The following PLEKHG3 variants were observed in gnomAD, a reference collection of about 807,000 sequenced individuals.
PLEKHG3 encodes pleckstrin homology domain-containing family G member 3.
In PLEKHG3, 62 loss-of-function variants were observed where a neutral mutation model predicts 94.9. The observed-to-expected ratio is 0.65, with a 90% CI of 0.53 to 0.81. The LOEUF (loss-of-function observed/expected upper bound fraction) is 0.81, where lower values mean the gene tolerates loss of function less well. Ranked by LOEUF, PLEKHG3 falls within the 30% of genes least tolerant of loss-of-function variation. The probability of loss-of-function intolerance (pLI) is 0.00; values close to 1 mark genes in which losing one functional copy is unlikely to be tolerated. For missense variants in PLEKHG3, 1,461 were observed against 1,619.3 expected (o/e 0.90, Z 1.68); for synonymous variants, 614 against 654.0 (o/e 0.94, Z 0.93).
In PLEKHG3 at chr14:64,747,133, C is replaced by G. The variant is rs1444328059; in HGVS notation, c.*3430C>G. On this transcript the variant is annotated 3_prime_UTR_variant, in exon 17 of 17. Coordinates refer to ENST00000247226, the MANE Select transcript of PLEKHG3 (RefSeq NM_001308147.2). ...GCTAGCTCTTCCACTAGAGCCCTTC[C>G]TTTCTCGGGTCTGTGGAGTTGCTTG... The G allele has an allele frequency of 6.6e-6, 1 of 152,532 alleles. No homozygotes were observed. Among genetic ancestry groups the G allele is most frequent in the Non-Finnish European group, 1.5e-5 (1 of 68,066 alleles). The allele number at this position is 152,532 out of a possible 1,614,324, so 9.4% of individuals were successfully genotyped here.
Position 64,743,219 on chromosome 14 carries a change from C to T in PLEKHG3, c.3176C>T (p.Ser1059Phe). 1.2e-6 allele frequency: 2 copies of T among 1,609,278 alleles called. No homozygotes were observed. Among genetic ancestry groups the T allele is most frequent in the Non-Finnish European group, 1.7e-6 (2 of 1,179,630 alleles). The change falls in exon 17 of 17, where the codon TCC becomes TTC. Residue 1059 changes from serine (S) to phenylalanine (F), a missense_variant. Physicochemically the swap from Ser to Phe is radical, Grantham distance 155. Coordinates refer to ENST00000247226, the MANE Select transcript of PLEKHG3 (RefSeq NM_001308147.2). This position sits in a 1 kb window ranked among gnomAD's most constrained non-coding sequence, Gnocchi z 7.2. The part of the protein sequence containing the change: ...DVRELCSKYA[S>F]RDEARRAGGG... ...CGTGAGCTCTGCTCCAAGTATGCCT[C>T]CCGCGATGAGGCACGCCGAGCAGGG...
At chr14:64,733,008 C>A in intron 12 of PLEKHG3, 107 bp downstream of exon 12, 2 of 711,252 alleles carry the variant, frequency 2.8e-6, no homozygotes, top group Non-Finnish European at 2.4e-6. Context: ...TCTGCGGAAA[C>A]CCTGGGAAAG....
chr14:64,727,627 C>T lies in PLEKHG3; in HGVS notation c.-5C>T, dbSNP rs1355813902. 2.5e-6 allele frequency: 4 copies of T among 1,593,874 alleles called. No individual in the cohort carries two copies. In the African/African-American group the frequency reaches 4.0e-5, roughly 16 times the overall value. On this transcript the variant is annotated 5_prime_UTR_variant, in exon 2 of 17. Coordinates refer to ENST00000247226, the MANE Select transcript of PLEKHG3 (RefSeq NM_001308147.2). The surrounding 1 kb of genome is among the most constrained non-coding windows in gnomAD (Gnocchi z 6.0). ...GGGGTGCCCTCCCCAGGCAGCAATG[C>T]CAGGATGCCTGTGTCCACCTCCCTC...
In PLEKHG3 at chr14:64,723,997, CCTA is replaced by C. The variant is rs2081309205; in HGVS notation, c.-39-3593_-39-3591del. 1.3e-5 allele frequency: 2 copies of C among 152,274 alleles called. No homozygotes were observed. Among genetic ancestry groups the C allele is most frequent in the African/African-American group, 4.8e-5 (2 of 41,420 alleles). The allele number at this position is 152,274 out of a possible 1,614,324, so 9.4% of individuals were successfully genotyped here. On this transcript the variant is annotated intron_variant, in intron 1 of 16. Coordinates refer to ENST00000247226, the MANE Select transcript of PLEKHG3 (RefSeq NM_001308147.2). This position sits in a 1 kb window ranked among gnomAD's most constrained non-coding sequence, Gnocchi z 4.5. ...GCCTCATCACCTCCTTCTCTGGCCTCCTACTTCCCTAGCAGACAGGGTCTTCCG... is the reference window on the plus strand; with the variant it reads ...GCCTCATCACCTCCTTCTCTGGCCTCCTTCCCTAGCAGACAGGGTCTTCCG...
chr14:64,709,851 A>G (rs732311), intron 1 of PLEKHG3, among the ~76,000 whole-genome samples: 13,004 of 152,026 alleles, frequency 0.086, 606 homozygotes, highest in African/African-American at 0.11. Flanking sequence ...GTACAGTAGG[A>G]TTCCAATAAG....
In PLEKHG3 at chr14:64,732,655, G is replaced by C; in HGVS notation, c.1247-148G>C. The C allele has an allele frequency of 1.3e-6, 1 of 740,820 alleles. No homozygotes were observed. The highest frequency in any genetic ancestry group is 1.7e-5 in the South Asian group (1 of 57,806). The allele number at this position is 740,820 out of a possible 1,614,324, so 45.9% of individuals were successfully genotyped here. The stretch of plus-strand genomic sequence containing the variant: ...AGCGGTGGGACTCTCAGTGCCTGAA[G>C]CTCCCAGCTGGAAGATGGAGGGAGC... On this transcript the variant is annotated intron_variant, in intron 11 of 16. Transcript: ENST00000247226. The surrounding 1 kb of genome is among the most constrained non-coding windows in gnomAD (Gnocchi z 4.9).
rs1466978924 is a variant in PLEKHG3, at chr14:64,746,498, C to T, written c.*2795C>T. 1.3e-5 allele frequency: 2 copies of T among 152,746 alleles called. No individual in the cohort carries two copies. Among genetic ancestry groups the T allele is most frequent in the Non-Finnish European group, 2.9e-5 (2 of 68,116 alleles). 9.5% of individuals were successfully genotyped at this position (152,746 alleles called of 1,614,324 possible). On this transcript the variant is annotated 3_prime_UTR_variant, in exon 17 of 17. Transcript: ENST00000247226. This position sits in a 1 kb window ranked among gnomAD's most constrained non-coding sequence, Gnocchi z 4.9. The stretch of plus-strand genomic sequence containing the variant: ...CAAGCCACCAAGCCATGTGGTCCCG[C>T]TGGCTTCATCCTCCTCTGGATTCCT...
In PLEKHG3 at chr14:64,749,203, A is replaced by C; in HGVS notation, c.*5500A>C. The C allele has an allele frequency of 7.1e-7, 1 of 1,409,538 alleles. No homozygotes were observed. Among genetic ancestry groups the C allele is most frequent in the Non-Finnish European group, 9.6e-7 (1 of 1,038,548 alleles). The allele number at this position is 1,409,538 out of a possible 1,614,324, so 87.3% of individuals were successfully genotyped here. On this transcript the variant is annotated 3_prime_UTR_variant, in exon 17 of 17. Transcript: ENST00000247226. The surrounding 1 kb of genome is among the most constrained non-coding windows in gnomAD (Gnocchi z 4.7). ...GCCCGGGGGCCCGGCCCGCGACTCGACTCATCTCGATTCGACCGGCGGGCG... is the reference window on the plus strand; with the variant it reads ...GCCCGGGGGCCCGGCCCGCGACTCGCCTCATCTCGATTCGACCGGCGGGCG...
chr14:64,736,968 G>A lies in PLEKHG3; in HGVS notation c.1384+77G>A, dbSNP rs1388012683. 3 of 1,064,284 alleles carry A rather than the reference G, an allele frequency of 2.8e-6. No individual in the cohort carries two copies. In the African/African-American group the frequency reaches 4.6e-5, roughly 16 times the overall value. 65.9% of individuals were successfully genotyped at this position (1,064,284 alleles called of 1,614,324 possible). ...AGGAGGGGAAGCAGCCGACAACCTGGGGTGTGACCTGAGGGTGGAGGATTG... is the reference window on the plus strand; with the variant it reads ...AGGAGGGGAAGCAGCCGACAACCTGAGGTGTGACCTGAGGGTGGAGGATTG... On this transcript the variant is annotated intron_variant, in intron 13 of 16. Transcript: ENST00000247226.
At position 64,731,778 on chromosome 14, in the gene PLEKHG3, A is replaced by G. The variant is rs1184607216; in HGVS notation, c.1097A>G (p.Lys366Arg). 1 of 1,613,502 alleles carries G rather than the reference A, an allele frequency of 6.2e-7. No individual in the cohort carries two copies. Among genetic ancestry groups the G allele is most frequent in the South Asian group, 1.1e-5 (1 of 91,048 alleles). The change falls in exon 9 of 17, where the codon AAG (lysine) becomes AGG (arginine). Residue 366 changes from lysine to arginine, a missense_variant. Physicochemically the swap from Lys to Arg is conservative, Grantham distance 26. Transcript: ENST00000247226. This position sits in a 1 kb window ranked among gnomAD's most constrained non-coding sequence, Gnocchi z 6.1. ...DSLCFTVTHY[K>R]HSKQQYSIQA... is the part of the protein sequence containing the mutation. ...CTGTGCTTCACTGTCACCCACTACA[A>G]GCACAGCAAGCAGCAGTACAGCATC...
Position 64,727,610 on chromosome 14 carries a change from C to T in PLEKHG3, c.-22C>T. The T allele has an allele frequency of 6.8e-7, 1 of 1,476,508 alleles. No individual in the cohort carries two copies. Among genetic ancestry groups the T allele is most frequent in the Non-Finnish European group, 9.4e-7 (1 of 1,058,212 alleles). The allele number at this position is 1,476,508 out of a possible 1,614,324, so 91.5% of individuals were successfully genotyped here. The stretch of plus-strand genomic sequence containing the variant: ...TGTTGCAGAATCTCCCTGGGGTGCC[C>T]TCCCCAGGCAGCAATGCCAGGATGC... On this transcript the variant is annotated 5_prime_UTR_variant, in exon 2 of 17. Coordinates refer to ENST00000247226, the MANE Select transcript of PLEKHG3 (RefSeq NM_001308147.2). This position sits in a 1 kb window ranked among gnomAD's most constrained non-coding sequence, Gnocchi z 6.0.
rs1193943867 is a variant in PLEKHG3, at chr14:64,716,138, G to A, written c.-40+11434G>A. On this transcript the variant is annotated intron_variant, in intron 1 of 16. Transcript: ENST00000247226. The surrounding 1 kb of genome is among the most constrained non-coding windows in gnomAD (Gnocchi z 5.0). ...AGGCCAGGGGATGGGAATGGGGTGG[G>A]ATGGGGACTCTTTCAACTCCGGGCC... 3 of 441,814 alleles carry A rather than the reference G, an allele frequency of 6.8e-6. No individual in the cohort carries two copies. Among genetic ancestry groups the A allele is most frequent in the Non-Finnish European group, 1.4e-5 (3 of 218,534 alleles). 27.4% of individuals were successfully genotyped at this position (441,814 alleles called of 1,614,324 possible).
At chr14:64,714,717 AGAG>A (rs578010974) in intron 1 of PLEKHG3, among the ~76,000 whole-genome samples, 147 of 152,300 alleles carry the variant, frequency 9.7e-4, no homozygotes, top group African/African-American at 3.3e-3. Flanking sequence ...CAGGCAGCGG[AGAG>A]GAGGTGAACA....
In PLEKHG3 at chr14:64,749,175, G is replaced by A. The variant is rs1173460223; in HGVS notation, c.*5472G>A. 2 of 1,123,344 alleles carry A rather than the reference G, an allele frequency of 1.8e-6. No individual in the cohort carries two copies. The highest frequency in any genetic ancestry group is 2.5e-6 in the Non-Finnish European group (2 of 797,366). The allele number at this position is 1,123,344 out of a possible 1,614,324, so 69.6% of individuals were successfully genotyped here. A position where few individuals can be genotyped will look rare whatever the true frequency, so the allele number is the denominator to read the frequency against. On this transcript the variant is annotated 3_prime_UTR_variant, in exon 17 of 17. Transcript: ENST00000247226. The surrounding 1 kb of genome is among the most constrained non-coding windows in gnomAD (Gnocchi z 4.7). Reference sequence around the variant, plus strand: ...GAAGGCAGCTTTTGCAGTGCAGCGTGGGGCCCGGGGGCCCGGCCCGCGACT... The same window carrying A: ...GAAGGCAGCTTTTGCAGTGCAGCGTAGGGCCCGGGGGCCCGGCCCGCGACT...
chr14:64,742,961 C>T (rs1483072574), intron 16 of PLEKHG3, 21 bp from the exon 17 acceptor site: 4 of 1,612,606 alleles, frequency 2.5e-6, no homozygotes, highest in African/African-American at 1.3e-5. Context: ...ATGCTTCAGG[C>T]AGCTTGCTCT....
chr14:64,711,483 G>A (rs199903435), intron 1 of PLEKHG3, among the ~76,000 whole-genome samples: 3 of 150,696 alleles, frequency 2.0e-5, no homozygotes, highest in East Asian at 1.9e-4. Flanking sequence ...GCATGATCTC[G>A]GCTCACTGCA....
In PLEKHG3 at chr14:64,738,251, C is replaced by T; in HGVS notation, c.1405-491C>T. 7.9e-7 allele frequency: 1 copy of T among 1,261,270 alleles called. No homozygotes were observed. Among genetic ancestry groups the T allele is most frequent in the East Asian group, 5.6e-5 (1 of 17,936 alleles). The allele number at this position is 1,261,270 out of a possible 1,614,324, so 78.1% of individuals were successfully genotyped here. On this transcript the variant is annotated intron_variant, in intron 14 of 16. Coordinates refer to ENST00000247226, the MANE Select transcript of PLEKHG3 (RefSeq NM_001308147.2). The surrounding 1 kb of genome is among the most constrained non-coding windows in gnomAD (Gnocchi z 4.8). ...TGAGGTGTCTCTTCGATCTCCCCTC[C>T]TCCTTGCATGCTCCCTGGGATGTGC... is the stretch of plus-strand genomic sequence containing the variant.
At position 64,726,902 on chromosome 14, in the gene PLEKHG3, T is replaced by C. The variant is rs2081362964; in HGVS notation, c.-39-691T>C. Among the ~76,000 whole-genome samples the C allele has an allele frequency of 6.6e-6, 1 of 152,184 alleles. No individual in the cohort carries two copies. The highest frequency in any genetic ancestry group is 2.4e-5 in the African/African-American group (1 of 41,434). On this transcript the variant is annotated intron_variant, in intron 1 of 16. Coordinates refer to ENST00000247226, the MANE Select transcript of PLEKHG3 (RefSeq NM_001308147.2). This position sits in a 1 kb window ranked among gnomAD's most constrained non-coding sequence, Gnocchi z 5.1. ...AGTCTTAGGGAGAATATTACCCCTG[T>C]TATGTGTCTTGTCTTAACATTGTAA...
Position 64,716,468 on chromosome 14 carries a change from CACA to C in PLEKHG3, c.-39-11124_-39-11122del, listed in dbSNP as rs2081154592. 5.4e-5 allele frequency among the ~76,000 whole-genome samples: 5 copies of C among 92,628 alleles called. No homozygotes were observed. The highest frequency in any genetic ancestry group is 9.1e-5 in the Non-Finnish European group (4 of 43,844). The allele number at this position is 92,628 out of a possible 152,430, so 60.8% of individuals were successfully genotyped here. On this transcript the variant is annotated intron_variant, in intron 1 of 16. Coordinates refer to ENST00000247226, the MANE Select transcript of PLEKHG3 (RefSeq NM_001308147.2). This position sits in a 1 kb window ranked among gnomAD's most constrained non-coding sequence, Gnocchi z 5.0. Reference sequence around the variant, plus strand: ...CACACACACACACACACACACACAACACACACACACACAACACACACACACACA... The same window carrying C: ...CACACACACACACACACACACACAACCACACACACAACACACACACACACA...
Sources: allele counts gnomAD v4.1 joint callset (sites outside exome capture counted in the v4.1 genomes callset), GRCh38; gene constraint gnomAD v4.1.1; non-coding constraint Gnocchi (gnomAD v3.1); transcripts MANE v1.5; gene names NCBI Gene and HGNC (gene_info 2026-07-23, HGNC 2026-07-21).